Variants in ENPP1 observed in about 807,000 individuals in gnomAD.
The protein encoded by ENPP1 is ectonucleotide pyrophosphatase/phosphodiesterase 1.
Under a neutral mutation model 122.8 loss-of-function variants are expected in ENPP1, and 73 were observed. The ratio of observed to expected loss-of-function variants is 0.59; its 90% CI spans 0.49 to 0.72. The LOEUF is 0.72. Among genes scored for constraint, ENPP1 ranks in the 30% least tolerant of loss-of-function variants. The probability of loss-of-function intolerance (pLI) is 0.00; values close to 1 mark genes in which losing one functional copy is unlikely to be tolerated. For synonymous variants in ENPP1, 367 were observed against 391.6 expected, an observed-to-expected ratio of 0.94 and a Z score of 0.74; for missense variants, 978 against 1,128.1, an observed-to-expected ratio of 0.87 and a Z score of 1.91.
At chr6:131,812,884 G>C (rs1162757478) in intron 1 of ENPP1, among the ~76,000 whole-genome samples, 1 of 152,134 alleles carries the variant, frequency 6.6e-6, no homozygotes, top group East Asian at 1.9e-4. Flanking sequence ...CTGTTGCCCA[G>C]GCTAGAGTGC....
intron 11 of ENPP1, among the ~76,000 whole-genome samples, chr6:131,866,897 C>G (rs879846236): frequency 1.3e-5 from 2 of 152,194 alleles, no homozygotes; most frequent in Admixed American, 6.5e-5. Context: ...GTCACTGATA[C>G]CCAAGACTTG....
chr6:131,882,533 TA>T, intron 21 of ENPP1, 59 bp downstream of exon 21: 1 of 1,297,862 alleles, frequency 7.7e-7, no homozygotes, highest in Non-Finnish European at 1.1e-6. Flanking sequence ...TTCTTGTTTA[TA>T]AATCCTACCA....
chr6:131,841,770 A>C (rs953705021), intron 1 of ENPP1, among the ~76,000 whole-genome samples: 1 of 152,154 alleles, frequency 6.6e-6, no homozygotes, highest in Admixed American at 6.5e-5. Flanking sequence ...GCATGGTAAG[A>C]GCTGCAGTAA....
intron 1 of ENPP1, among the ~76,000 whole-genome samples, chr6:131,821,588 C>G (rs1269450482): frequency 6.6e-6 from 1 of 152,176 alleles, no homozygotes; most frequent in Non-Finnish European, 1.5e-5. Context: ...TCGTGTGTTG[C>G]TTATAATTTA....
At chr6:131,812,615 C>G (rs1263672953) in intron 1 of ENPP1, among the ~76,000 whole-genome samples, 1 of 152,210 alleles carries the variant, frequency 6.6e-6, no homozygotes, top group Non-Finnish European at 1.5e-5. Context: ...TTTTAAAGAG[C>G]TTTATCCTGA....
chr6:131,847,691 G>A, intron 1 of ENPP1, 85 bp from the exon 2 acceptor site: 1 of 972,546 alleles, frequency 1.0e-6, no homozygotes, highest in Non-Finnish European at 1.6e-6. Context: ...GGGTAACAGA[G>A]TAAGACACTA....
chr6:131,829,477 A>G lies in ENPP1; in HGVS notation c.241-18299A>G, dbSNP rs76387481. Among the ~76,000 whole-genome samples the G allele has an allele frequency of 6.9e-3, 1,052 of 152,290 alleles. 16 individuals are homozygous for G. The highest frequency in any genetic ancestry group is 0.024 in the African/African-American group (991 of 41,564). On this transcript the variant is annotated intron_variant, in intron 1 of 24. Transcript: ENST00000647893. ...CCTCAAAATGGAGAGTTCTTTGCCT[A>G]TATTAAATTTAGTTTAGATTGTGCC...
Position 131,811,607 on chromosome 6 carries a change from C to G in ENPP1, c.240+3332C>G, listed in dbSNP as rs140558043. ...CAAGCATTCATGTTACAATAACGAG[C>G]TATTGGTTGGCTATACATTGTTCTT... is the stretch of plus-strand genomic sequence containing the variant. On this transcript the variant is annotated intron_variant, in intron 1 of 24. Coordinates refer to ENST00000647893, the MANE Select transcript of ENPP1 (RefSeq NM_006208.3). 1.4e-4 allele frequency among the ~76,000 whole-genome samples: 22 copies of G among 152,110 alleles called. No homozygotes were observed. In the East Asian group the frequency reaches 4.3e-3, roughly 29 times the overall value.
intron 22 of ENPP1, among the ~76,000 whole-genome samples, chr6:131,884,709 A>G (rs765010335): frequency 1.3e-4 from 20 of 152,162 alleles, no homozygotes; most frequent in Non-Finnish European, 2.2e-4. Context: ...CAGGAGTTTG[A>G]GGCTGCAGTG....
At chr6:131,862,985 C>T (rs1236059580) in intron 9 of ENPP1, among the ~76,000 whole-genome samples, 1 of 151,344 alleles carries the variant, frequency 6.6e-6, no homozygotes, top group African/African-American at 2.4e-5. Context: ...CAACTAAATT[C>T]CTTCCCAAGG....
At chr6:131,869,283 G>A (rs917256658) in intron 12 of ENPP1, 75 bp from the exon 13 acceptor site, 16 of 1,454,098 alleles carry the variant, frequency 1.1e-5, no homozygotes, top group South Asian at 9.2e-5. Context: ...CCTTGGAAGT[G>A]AAAGAAGTTC....
intron 1 of ENPP1, among the ~76,000 whole-genome samples, chr6:131,809,349 A>G (rs911086595): frequency 6.6e-6 from 1 of 152,080 alleles, no homozygotes; most frequent in African/African-American, 2.4e-5. Context: ...CATTTTCACT[A>G]TATTTGGGAC....
chr6:131,865,475 C>T (rs760865253), intron 11 of ENPP1, among the ~76,000 whole-genome samples: 10 of 152,220 alleles, frequency 6.6e-5, no homozygotes, highest in Non-Finnish European at 1.3e-4. Flanking sequence ...CGAAACAGCT[C>T]ATGGACTAAC....
Position 131,872,807 on chromosome 6 carries a change from C to A in ENPP1, c.1438-116C>A, listed in dbSNP as rs940416583. 40 of 1,075,826 alleles carry A rather than the reference C, an allele frequency of 3.7e-5. No homozygotes were observed. In the Admixed American group the frequency reaches 4.6e-4, roughly 12 times the overall value. The allele number at this position is 1,075,826 out of a possible 1,614,324, so 66.6% of individuals were successfully genotyped here. On this transcript the variant is annotated intron_variant, in intron 14 of 24. Transcript: ENST00000647893. The stretch of plus-strand genomic sequence containing the variant: ...AAAGCAATTTCAAGAAAAGTTGACA[C>A]TTTTTATAGATATTAGGGAAATATC...
At chr6:131,862,894 GT>G (rs201230672) in intron 9 of ENPP1, among the ~76,000 whole-genome samples, 1 of 150,390 alleles carries the variant, frequency 6.6e-6, no homozygotes, top group African/African-American at 2.4e-5. Flanking sequence ...GCAAGAAGTT[GT>G]TTTTTTTTCT....
intron 1 of ENPP1, among the ~76,000 whole-genome samples, chr6:131,813,788 A>G (rs752292418): frequency 4.0e-5 from 6 of 151,524 alleles, no homozygotes; most frequent in Non-Finnish European, 7.4e-5. Flanking sequence ...CTGAGAGCTC[A>G]GTTTTTGAGG....
chr6:131,827,844 C>T (rs1015653241), intron 1 of ENPP1: 66 of 1,382,276 alleles, frequency 4.8e-5, no homozygotes, highest in Admixed American at 1.4e-4. Flanking sequence ...ACCCTGAGGA[C>T]GAAAGCAAAA....
chr6:131,861,143 CTG>C (rs1449371826), intron 8 of ENPP1, among the ~76,000 whole-genome samples: 1 of 152,086 alleles, frequency 6.6e-6, no homozygotes, highest in Non-Finnish European at 1.5e-5. Context: ...GTTTCTGCCT[CTG>C]TTTTATCATA....
At chr6:131,864,826 G>C (rs774119472) in intron 10 of ENPP1, 40 bp from the exon 11 acceptor site, 1 of 1,289,014 alleles carries the variant, frequency 7.8e-7, no homozygotes, top group African/African-American at 1.5e-5. Context: ...GTTTTTCAAT[G>C]TGTTCGTAAA....
Sources: gnomAD v4.1 joint callset for allele counts (sites outside exome capture counted in the v4.1 genomes callset) on GRCh38, gnomAD v4.1.1 for gene constraint, MANE v1.5 for transcripts, NCBI Gene and HGNC (gene_info 2026-07-23, HGNC 2026-07-21) for gene names.